ANKS1A: variants seen among roughly 807,000 people sequenced by gnomAD.
ANKS1A encodes ankyrin repeat and sterile alpha motif domain containing 1A.
ANKS1A carries 55 observed loss-of-function variants against 120.3 expected under a neutral mutation model. The observed-to-expected ratio is 0.46, with a 90% confidence interval of 0.37 to 0.57. ANKS1A has a LOEUF of 0.57. ANKS1A is among the 20% of genes least tolerant of loss of function. The pLI, the probability that ANKS1A is intolerant of heterozygous loss-of-function variation, is 0.00. For missense variants in ANKS1A, 1,123 were observed against 1,480.3 expected (o/e 0.76, Z 3.96); for synonymous variants, 590 against 604.7 (o/e 0.98, Z 0.36).
chr6:35,077,506 G>C (rs1010133158), intron 13 of ANKS1A, among the ~76,000 whole-genome samples: 85 of 152,336 alleles, frequency 5.6e-4, no homozygotes, highest in African/African-American at 1.8e-3. Flanking sequence ...TGCCCAGCGG[G>C]GCTCTGGGGA....
chr6:34,968,380 A>C (rs1771000598), intron 2 of ANKS1A, among the ~76,000 whole-genome samples: 1 of 152,170 alleles, frequency 6.6e-6, no homozygotes, highest in Non-Finnish European at 1.5e-5. Context: ...ACAGAATAGA[A>C]GGTGTTAAAG....
chr6:34,997,510 T>C (rs1772919174), intron 10 of ANKS1A, among the ~76,000 whole-genome samples: 1 of 152,186 alleles, frequency 6.6e-6, no homozygotes, highest in Non-Finnish European at 1.5e-5. Context: ...TGGTAGATTT[T>C]TAATTAAAAC....
In ANKS1A at chr6:35,090,299, G is replaced by A; in HGVS notation, c.*1690G>A. On this transcript the variant is annotated 3_prime_UTR_variant, in exon 24 of 24. Transcript: ENST00000360359. Reference sequence around the variant, plus strand: ...CGGCTTTCTTCCAAGAGTTGACCAGGAACCCTAAAGCATCCAGAGTAGACT... The same window carrying A: ...CGGCTTTCTTCCAAGAGTTGACCAGAAACCCTAAAGCATCCAGAGTAGACT... 7.8e-7 allele frequency: 1 copy of A among 1,289,624 alleles called. No individual in the cohort carries two copies. Among genetic ancestry groups the A allele is most frequent in the South Asian group, 1.2e-5 (1 of 81,022 alleles). The allele number at this position is 1,289,624 out of a possible 1,614,324, so 79.9% of individuals were successfully genotyped here.
At chr6:34,953,549 C>A (rs1389294517) in intron 1 of ANKS1A, among the ~76,000 whole-genome samples, 1 of 152,184 alleles carries the variant, frequency 6.6e-6, no homozygotes, top group East Asian at 1.9e-4. Context: ...GTTTGCAATG[C>A]CCTTGCTTCC....
intron 13 of ANKS1A, among the ~76,000 whole-genome samples, chr6:35,069,414 C>A (rs1453226838): frequency 6.6e-6 from 1 of 152,000 alleles, no homozygotes; most frequent in East Asian, 1.9e-4. Flanking sequence ...AGCAAAGTAA[C>A]TTAGGTCTCT....
intron 10 of ANKS1A, among the ~76,000 whole-genome samples, chr6:35,008,299 A>G (rs1439463204): frequency 6.6e-6 from 1 of 152,056 alleles, no homozygotes; most frequent in Non-Finnish European, 1.5e-5. Context: ...CTGCAGCCTC[A>G]AGCTCCTGGG....
chr6:35,007,249 A>G (rs1045576740), intron 10 of ANKS1A, among the ~76,000 whole-genome samples: 1 of 152,126 alleles, frequency 6.6e-6, no homozygotes, highest in African/African-American at 2.4e-5. Context: ...ACAGTGAGTA[A>G]TTTTCCTACC....
Position 35,089,205 on chromosome 6 carries a change from T to C in ANKS1A, c.*596T>C. On this transcript the variant is annotated 3_prime_UTR_variant, in exon 24 of 24. Transcript: ENST00000360359. ...CCAACTTCCTGTCCCTTTCAGGGGC[T>C]AGACACAGGCTTCTCGTAAGAACAC... 1.0e-6 allele frequency: 1 copy of C among 994,668 alleles called. No individual in the cohort carries two copies. 61.6% of individuals were successfully genotyped at this position (994,668 alleles called of 1,614,324 possible).
chr6:35,065,232 C>G (rs56365371), intron 13 of ANKS1A, among the ~76,000 whole-genome samples: 1 of 151,594 alleles, frequency 6.6e-6, no homozygotes, highest in African/African-American at 2.4e-5. Flanking sequence ...CACTGCCTGA[C>G]TGCAGCGCAG....
At chr6:34,907,747 C>T (rs983203093) in intron 1 of ANKS1A, among the ~76,000 whole-genome samples, 1 of 152,158 alleles carries the variant, frequency 6.6e-6, no homozygotes, top group Admixed American at 6.5e-5. Flanking sequence ...AGTCAAGCTG[C>T]CTGGTTTCAT....
At position 34,963,082 on chromosome 6, in the gene ANKS1A, G is replaced by A. The variant is rs111604957; in HGVS notation, c.198-4157G>A. On this transcript the variant is annotated intron_variant, in intron 1 of 23. Coordinates refer to ENST00000360359, the MANE Select transcript of ANKS1A (RefSeq NM_015245.3). ...TCGCCTTGTTGGCCAGGCTGGTCTCGAACTCCTGACCACAGGTGATCCGCC... is the reference window on the plus strand; with the variant it reads ...TCGCCTTGTTGGCCAGGCTGGTCTCAAACTCCTGACCACAGGTGATCCGCC... Among the ~76,000 whole-genome samples the A allele has an allele frequency of 2.0e-3, 306 of 151,756 alleles. 2 individuals are homozygous for A. The highest frequency in any genetic ancestry group is 6.4e-3 in the African/African-American group (266 of 41,414).
intron 9 of ANKS1A, among the ~76,000 whole-genome samples, chr6:34,993,568 A>G (rs1259315013): frequency 6.6e-6 from 1 of 152,254 alleles, no homozygotes; most frequent in Non-Finnish European, 1.5e-5. Context: ...AAATTGTATT[A>G]ACATAAAGGT....
intron 1 of ANKS1A, among the ~76,000 whole-genome samples, chr6:34,913,148 G>A (rs978970675): frequency 3.3e-5 from 5 of 152,068 alleles, no homozygotes; most frequent in East Asian, 3.8e-4. Flanking sequence ...TTAATCTCAG[G>A]TAGCCCTAAC....
At chr6:35,000,784 T>C (rs1773126336) in intron 10 of ANKS1A, among the ~76,000 whole-genome samples, 1 of 152,158 alleles carries the variant, frequency 6.6e-6, no homozygotes, top group Admixed American at 6.5e-5. Context: ...GGTAAAAGGA[T>C]TATAAGGAGG....
intron 11 of ANKS1A, among the ~76,000 whole-genome samples, chr6:35,043,075 G>C (rs1171694613): frequency 6.6e-6 from 1 of 152,176 alleles, no homozygotes; most frequent in Non-Finnish European, 1.5e-5. Context: ...AGTCTGTCAG[G>C]GTAGGTAGGA....
intron 1 of ANKS1A, among the ~76,000 whole-genome samples, chr6:34,955,669 G>T (rs1770329407): frequency 6.6e-6 from 1 of 151,900 alleles, no homozygotes; most frequent in Non-Finnish European, 1.5e-5. Context: ...CTCTTTCTCG[G>T]TTTGCTCATT....
chr6:35,089,130 C>T lies in ANKS1A; in HGVS notation c.*521C>T, dbSNP rs73403885. The stretch of plus-strand genomic sequence containing the variant: ...GGCTCAGGCAGAATTGAGTACGGTG[C>T]GTCTGCTTTTCAAACCCAACCATAT... On this transcript the variant is annotated 3_prime_UTR_variant, in exon 24 of 24. Coordinates refer to ENST00000360359, the MANE Select transcript of ANKS1A (RefSeq NM_015245.3). The T allele has an allele frequency of 1.1e-4, 111 of 1,012,326 alleles. No individual in the cohort carries two copies. In the African/African-American group the frequency reaches 1.2e-3, roughly 11 times the overall value. The allele number at this position is 1,012,326 out of a possible 1,614,324, so 62.7% of individuals were successfully genotyped here. A position where few individuals can be genotyped will look rare whatever the true frequency, so the allele number is the denominator to read the frequency against.
At chr6:35,076,052 A>T (rs1259546260) in intron 13 of ANKS1A, among the ~76,000 whole-genome samples, 1 of 152,188 alleles carries the variant, frequency 6.6e-6, no homozygotes, top group Non-Finnish European at 1.5e-5. Context: ...AGCGTAAGCC[A>T]TTGCACCTGG....
At position 34,940,572 on chromosome 6, in the gene ANKS1A, C is replaced by T. The variant is rs549948200; in HGVS notation, c.198-26667C>T. ...ATGTTGGATATAAAATTAAGTGAAC[C>T]AAGATTAGTAGTGCTATTGAGTCTA... On this transcript the variant is annotated intron_variant, in intron 1 of 23. Transcript: ENST00000360359. Among the ~76,000 whole-genome samples the T allele has an allele frequency of 1.5e-4, 23 of 152,120 alleles. No homozygotes were observed. In the East Asian group the frequency reaches 4.1e-3, roughly 27 times the overall value.
Sources: allele counts gnomAD v4.1 joint callset (sites outside exome capture counted in the v4.1 genomes callset), GRCh38; gene constraint gnomAD v4.1.1; transcripts MANE v1.5; gene names NCBI Gene and HGNC (gene_info 2026-07-23, HGNC 2026-07-21).